IMPDH1: variants seen among roughly 807,000 people sequenced by gnomAD.
IMPDH1 encodes inosine monophosphate dehydrogenase 1.
In IMPDH1, 41 loss-of-function variants were observed where a neutral mutation model predicts 73.5. The observed-to-expected ratio is 0.56, with a 90% CI of 0.43 to 0.72. The LOEUF (loss-of-function observed/expected upper bound fraction) is 0.72. Among genes scored for constraint, IMPDH1 ranks in the 30% least tolerant of loss-of-function variants. The probability of loss-of-function intolerance (pLI) is 0.00; values close to 1 mark genes in which losing one functional copy is unlikely to be tolerated. For missense variants in IMPDH1, 645 were observed against 824.8 expected (o/e 0.78, Z 2.67); for synonymous variants, 318 against 334.3 (o/e 0.95, Z 0.53).
chr7:128,405,631 G>A lies in IMPDH1; in HGVS notation c.353+136C>T, dbSNP rs1305482429. The A allele has an allele frequency of 3.9e-6, 5 of 1,290,478 alleles. No individual in the cohort carries two copies. In the Admixed American group the frequency reaches 1.1e-4, roughly 28 times the overall value. The allele number at this position is 1,290,478 out of a possible 1,614,324, so 79.9% of individuals were successfully genotyped here. On this transcript the variant is annotated intron_variant, in intron 4 of 16. Transcript: ENST00000338791. Reference sequence around the variant, plus strand: ...TCCGGCGCGGGCCTCCTTCCTTCCCGTGCCCAGCCCCCAGCGCCCACAGCA... The same window carrying A: ...TCCGGCGCGGGCCTCCTTCCTTCCCATGCCCAGCCCCCAGCGCCCACAGCA...
chr7:128,397,049 G>A (rs768931125), intron 10 of IMPDH1, 27 bp from the exon 11 acceptor site: 1 of 1,526,576 alleles, frequency 6.6e-7, no homozygotes, highest in Non-Finnish European at 9.1e-7. Flanking sequence ...AAGAGCTTGG[G>A]CTTAGACAGC....
At position 128,396,102 on chromosome 7, in the gene IMPDH1, C is replaced by T. The variant is rs913370220; in HGVS notation, c.1261+498G>A. ...GTCAGATACCAGCCTCCAGGGAGCACCTCCTCAATAACCACATGGGGGACA... is the reference window on the plus strand; with the variant it reads ...GTCAGATACCAGCCTCCAGGGAGCATCTCCTCAATAACCACATGGGGGACA... On this transcript the variant is annotated intron_variant, in intron 12 of 16. Transcript: ENST00000338791. This position sits in a 1 kb window ranked among gnomAD's most constrained non-coding sequence, Gnocchi z 4.0. Among the ~76,000 whole-genome samples, 1 of 152,148 alleles carries T rather than the reference C, an allele frequency of 6.6e-6. No homozygotes were observed. The highest frequency in any genetic ancestry group is 1.5e-5 in the Non-Finnish European group (1 of 68,018).
chr7:128,402,141 C>G (rs1469027379), intron 5 of IMPDH1, among the ~76,000 whole-genome samples: 1 of 151,748 alleles, frequency 6.6e-6, no homozygotes, highest in African/African-American at 2.4e-5. Context: ...CTCATTCTGT[C>G]ACCCAGGCTA....
At chr7:128,403,627 G>T in intron 5 of IMPDH1, 79 bp downstream of exon 5, 1 of 1,246,308 alleles carries the variant, frequency 8.0e-7, no homozygotes, top group Non-Finnish European at 1.2e-6. Context: ...ATCTCTCCAT[G>T]CCCTGCCCCT....
chr7:128,396,595 C>A lies in IMPDH1; in HGVS notation c.1261+5G>T. On this transcript the variant is annotated splice_donor_5th_base_variant and intron_variant, in intron 12 of 16. Coordinates refer to ENST00000338791, the MANE Select transcript of IMPDH1 (RefSeq NM_000883.4). The surrounding 1 kb of genome is among the most constrained non-coding windows in gnomAD (Gnocchi z 4.0). The stretch of plus-strand genomic sequence containing the variant: ...GCGGGCACTCGCTCACCTCCTGACA[C>A]CCACCTTCCTGGGTGATGCAGATGG... 1.3e-6 allele frequency: 2 copies of A among 1,549,668 alleles called. No individual in the cohort carries two copies. Among genetic ancestry groups the A allele is most frequent in the Non-Finnish European group, 1.7e-6 (2 of 1,145,494 alleles).
Position 128,409,488 on chromosome 7 carries a change from A to G in IMPDH1, c.147-4T>C. On this transcript the variant is annotated splice_region_variant and splice_polypyrimidine_tract_variant and intron_variant, in intron 1 of 16. Coordinates refer to ENST00000338791, the MANE Select transcript of IMPDH1 (RefSeq NM_000883.4). Reference sequence around the variant, plus strand: ...TGTAGCGAGGTCCAATCTAGGGCTAAGATTTTAGGGAAGGTTTTTACGACC... The same window carrying G: ...TGTAGCGAGGTCCAATCTAGGGCTAGGATTTTAGGGAAGGTTTTTACGACC... The G allele has an allele frequency of 6.2e-7, 1 of 1,614,180 alleles. No individual in the cohort carries two copies. The highest frequency in any genetic ancestry group is 1.3e-5 in the African/African-American group (1 of 75,036).
intron 4 of IMPDH1, among the ~76,000 whole-genome samples, chr7:128,405,330 C>T (rs1325207766): frequency 6.6e-6 from 1 of 152,174 alleles, no homozygotes; most frequent in East Asian, 1.9e-4. Flanking sequence ...AAGAAGCCAC[C>T]CCAACCACCT....
At position 128,394,482 on chromosome 7, in the gene IMPDH1, G is replaced by A. The variant is rs201803921; in HGVS notation, c.1668C>T (p.Ile556=). 2.1e-4 allele frequency: 337 copies of A among 1,614,026 alleles called. No homozygotes were observed. The highest frequency in any genetic ancestry group is 2.2e-4 in the Non-Finnish European group (257 of 1,179,988). Residue 556 remains isoleucine (I), a synonymous_variant, in exon 15 of 17, where the codon ATC becomes ATT. Coordinates refer to ENST00000338791, the MANE Select transcript of IMPDH1 (RefSeq NM_000883.4). The surrounding 1 kb of genome is among the most constrained non-coding windows in gnomAD (Gnocchi z 5.5). ...GAAGGACAGACAGGCTGCGGGCCCCGATATCCTGGCAGCCGTGTTGGATGC... is the reference window on the plus strand; with the variant it reads ...GAAGGACAGACAGGCTGCGGGCCCCAATATCCTGGCAGCCGTGTTGGATGC... ...IAGIQHGCQD[I]GARSLSVLRS...
At chr7:128,402,618 A>C (rs1798416807) in intron 5 of IMPDH1, among the ~76,000 whole-genome samples, 2 of 152,202 alleles carry the variant, frequency 1.3e-5, no homozygotes. Context: ...AACTTCCCTC[A>C]CATGTAAGTG....
chr7:128,394,385 G>T lies in IMPDH1; in HGVS notation c.1695-24C>A. On this transcript the variant is annotated intron_variant, in intron 15 of 16. Transcript: ENST00000338791. This position sits in a 1 kb window ranked among gnomAD's most constrained non-coding sequence, Gnocchi z 5.5. Reference sequence around the variant, plus strand: ...ACCTAGGAGGAAGGTAGGTGGAGCAGATCAGGGCCACCAAGGGTGGAGAAG... The same window carrying T: ...ACCTAGGAGGAAGGTAGGTGGAGCATATCAGGGCCACCAAGGGTGGAGAAG... The T allele has an allele frequency of 1.2e-6, 2 of 1,613,554 alleles. No individual in the cohort carries two copies. The highest frequency in any genetic ancestry group is 1.7e-6 in the Non-Finnish European group (2 of 1,179,540).
chr7:128,402,329 C>T (rs1798398317), intron 5 of IMPDH1, among the ~76,000 whole-genome samples: 1 of 152,224 alleles, frequency 6.6e-6, no homozygotes, highest in Admixed American at 6.5e-5. Context: ...TCTCAAACTC[C>T]TGACCTCAGG....
chr7:128,405,989 C>A (rs917651854), intron 3 of IMPDH1, 124 bp from the exon 4 acceptor site: 1 of 596,700 alleles, frequency 1.7e-6, no homozygotes. Flanking sequence ...CCGGGCGGGC[C>A]GGGGGCGGGG....
At chr7:128,400,782 G>A (rs541304143) in intron 7 of IMPDH1, 35 bp downstream of exon 7, 4 of 1,587,696 alleles carry the variant, frequency 2.5e-6, no homozygotes, top group Non-Finnish European at 2.6e-6. Context: ...GGGACTGCCA[G>A]GTGGCATCTT....
chr7:128,400,281 AG>A, intron 8 of IMPDH1, 51 bp downstream of exon 8: 1 of 1,600,020 alleles, frequency 6.2e-7, no homozygotes, highest in East Asian at 2.2e-5. Flanking sequence ...CTGAGGCCCC[AG>A]CGTGAGGGTC....
At chr7:128,404,459 G>A (rs1341492307) in intron 4 of IMPDH1, among the ~76,000 whole-genome samples, 3 of 152,194 alleles carry the variant, frequency 2.0e-5, no homozygotes, top group African/African-American at 7.2e-5. Flanking sequence ...GCCTGCATGG[G>A]TACATCTAGG....
intron 7 of IMPDH1, 40 bp downstream of exon 7, chr7:128,400,777 T>C (rs1225985380): frequency 1.9e-6 from 3 of 1,569,796 alleles, no homozygotes; most frequent in Non-Finnish European, 2.6e-6. Context: ...AGGTGGGGAC[T>C]GCCAGGTGGC....
Position 128,395,171 on chromosome 7 carries a change from C to T in IMPDH1, c.1365G>A (p.Val455=). Residue 455 remains valine, a synonymous_variant, in exon 13 of 17, where the codon GTG becomes GTA. Transcript: ENST00000338791. ...GGGCCAGGGCCTTGACCACGTGTCCCACGGTCTGGATGCCGCCATCGGCTA... is the reference window on the plus strand; with the variant it reads ...GGGCCAGGGCCTTGACCACGTGTCCTACGGTCTGGATGCCGCCATCGGCTA... ...PIIADGGIQT[V]GHVVKALALG... is the part of the protein sequence containing the mutation. The T allele has an allele frequency of 6.2e-7, 1 of 1,614,058 alleles. No homozygotes were observed. The highest frequency in any genetic ancestry group is 8.5e-7 in the Non-Finnish European group (1 of 1,180,046).
At position 128,400,424 on chromosome 7, in the gene IMPDH1, G is replaced by A. The variant is rs145251520; in HGVS notation, c.695C>T (p.Thr232Met). The A allele has an allele frequency of 1.9e-5, 30 of 1,612,168 alleles. No individual in the cohort carries two copies. Among genetic ancestry groups the A allele is most frequent in the South Asian group, 1.1e-4 (10 of 90,922 alleles). ...CACCAGCTTGCTGCCCATGGTGCCC[G>A]TCTCAGTGATGGGGATGCCAGAGAA... ...HGFSGIPITE[T>M]GTMGSKLVGI... The change falls in exon 8 of 17, where the codon ACG becomes ATG. Residue 232 changes from threonine to methionine, a missense_variant. Physicochemically the swap from Thr to Met is moderately conservative, Grantham distance 81. Coordinates refer to ENST00000338791, the MANE Select transcript of IMPDH1 (RefSeq NM_000883.4).
At position 128,403,840 on chromosome 7, in the gene IMPDH1, G is replaced by A. The variant is rs1243278436; in HGVS notation, c.354-86C>T. ...TGCCATGCCAGAGGAGGCAGCAGGG[G>A]GGTACAGAAAAGCCTAGAGGAGCAG... On this transcript the variant is annotated intron_variant, in intron 4 of 16. Coordinates refer to ENST00000338791, the MANE Select transcript of IMPDH1 (RefSeq NM_000883.4). The A allele has an allele frequency of 2.5e-6, 3 of 1,219,258 alleles. 1 individual carries two copies. In the East Asian group the frequency reaches 7.0e-5, roughly 28 times the overall value. 75.5% of individuals were successfully genotyped at this position (1,219,258 alleles called of 1,614,324 possible).
Sources: gnomAD v4.1 joint callset for allele counts (sites outside exome capture counted in the v4.1 genomes callset) on GRCh38, gnomAD v4.1.1 for gene constraint, Gnocchi (gnomAD v3.1) non-coding constraint, MANE v1.5 for transcripts, NCBI Gene and HGNC (gene_info 2026-07-23, HGNC 2026-07-21) for gene names.